Variants in PACRG observed in about 807,000 individuals in gnomAD.
The protein encoded by PACRG is parkin coregulated gene protein.
Under a neutral mutation model 29.7 loss-of-function variants are expected in PACRG, and 29 were observed. The observed-to-expected ratio is 0.98, with a 90% CI of 0.73 to 1.33. The LOEUF (loss-of-function observed/expected upper bound fraction) is 1.33, where lower values mean the gene tolerates loss of function less well. PACRG is among the 40% of genes most tolerant of loss of function. The pLI is 0.00. For missense variants in PACRG, 279 were observed against 316.2 expected, an observed-to-expected ratio of 0.88 and a Z score of 0.89; for synonymous variants, 116 against 118.7, an observed-to-expected ratio of 0.98 and a Z score of 0.15.
intron 2 of PACRG, among the ~76,000 whole-genome samples, chr6:162,972,099 A>C (rs756932818): frequency 6.6e-6 from 1 of 152,208 alleles, no homozygotes; most frequent in Non-Finnish European, 1.5e-5. Flanking sequence ...GAAACCCAGC[A>C]TGCAGCCCTA....
At chr6:162,832,263 A>T (rs1169162290) in intron 2 of PACRG, among the ~76,000 whole-genome samples, 3 of 152,160 alleles carry the variant, frequency 2.0e-5, no homozygotes, top group Admixed American at 6.5e-5. Flanking sequence ...GATCGTGATG[A>T]TGATGATGTT....
Position 162,846,662 on chromosome 6 carries a change from A to G in PACRG, c.291+32381A>G, listed in dbSNP as rs562507528. Among the ~76,000 whole-genome samples the G allele has an allele frequency of 1.8e-4, 27 of 152,324 alleles. No homozygotes were observed. In the East Asian group the frequency reaches 3.5e-3, roughly 20 times the overall value. The stretch of plus-strand genomic sequence containing the variant: ...GCCACCCTCCAGTGGCTGTTTTATC[A>G]TATTGCCAGAGTAATTTAGGACAGA... On this transcript the variant is annotated intron_variant, in intron 2 of 4. Transcript: ENST00000366888.
chr6:162,865,824 G>C (rs1014822693), intron 2 of PACRG, among the ~76,000 whole-genome samples: 1 of 151,692 alleles, frequency 6.6e-6, no homozygotes, highest in Non-Finnish European at 1.5e-5. Context: ...TTTAGAGCTT[G>C]AAATCATTGG....
intron 4 of PACRG, among the ~76,000 whole-genome samples, chr6:163,233,930 T>A (rs529555132): frequency 2.6e-5 from 4 of 152,342 alleles, no homozygotes; most frequent in African/African-American, 9.6e-5. Context: ...AATAGAAATA[T>A]TCCCTAAATA....
intron 1 of PACRG, among the ~76,000 whole-genome samples, chr6:162,799,324 G>A (rs1446737172): frequency 1.3e-5 from 2 of 152,182 alleles, no homozygotes; most frequent in Admixed American, 6.5e-5. Context: ...TTAGGTACAT[G>A]TTCATCTTTT....
At chr6:163,220,326 G>A (rs936360639) in intron 4 of PACRG, among the ~76,000 whole-genome samples, 3 of 152,196 alleles carry the variant, frequency 2.0e-5, no homozygotes, top group Admixed American at 6.5e-5. Context: ...ATCCAGGGGT[G>A]TGCTCCCAGT....
At chr6:163,009,371 A>G (rs1039362233) in intron 2 of PACRG, among the ~76,000 whole-genome samples, 2 of 152,202 alleles carry the variant, frequency 1.3e-5, no homozygotes, top group Non-Finnish European at 2.9e-5. Context: ...AAAATATGCC[A>G]TATTAAAGGA....
At chr6:162,940,290 G>A (rs1006670451) in intron 2 of PACRG, among the ~76,000 whole-genome samples, 7 of 152,154 alleles carry the variant, frequency 4.6e-5, no homozygotes, top group African/African-American at 1.7e-4. Context: ...GCAAGGCAGA[G>A]ATTGAGGCCC....
intron 4 of PACRG, among the ~76,000 whole-genome samples, chr6:163,212,436 C>G (rs1323348116): frequency 2.0e-5 from 3 of 152,048 alleles, no homozygotes; most frequent in African/African-American, 7.2e-5. Flanking sequence ...AATTCCAGAA[C>G]TAAGGCAGGA....
chr6:163,237,427 C>T (rs540935911), intron 4 of PACRG, among the ~76,000 whole-genome samples: 1 of 152,162 alleles, frequency 6.6e-6, no homozygotes, highest in East Asian at 1.9e-4. Context: ...TATTTTCTAC[C>T]AACATAGCTA....
At chr6:163,134,427 A>G (rs545006939) in intron 4 of PACRG, among the ~76,000 whole-genome samples, 1 of 152,292 alleles carries the variant, frequency 6.6e-6, no homozygotes, top group East Asian at 1.9e-4. Context: ...AAGAGACTTA[A>G]GCCACGCATA....
chr6:162,925,250 T>C (rs1797347437), intron 2 of PACRG, among the ~76,000 whole-genome samples: 1 of 152,180 alleles, frequency 6.6e-6, no homozygotes, highest in African/African-American at 2.4e-5. Context: ...GAGGAGCTGG[T>C]ACCATTCCTT....
intron 1 of PACRG, among the ~76,000 whole-genome samples, chr6:162,771,333 TATAG>T (rs1316804357): frequency 6.6e-5 from 10 of 152,236 alleles, no homozygotes; most frequent in Non-Finnish European, 1.5e-4. Context: ...CAACGGGTTC[TATAG>T]ATAAACACCC....
chr6:162,773,951 A>C (rs1783444271), intron 1 of PACRG, among the ~76,000 whole-genome samples: 3 of 152,178 alleles, frequency 2.0e-5, no homozygotes, highest in South Asian at 4.1e-4. Flanking sequence ...AAATGAACAA[A>C]AAATATAAAC....
At chr6:163,236,862 A>G (rs1367401912) in intron 4 of PACRG, among the ~76,000 whole-genome samples, 4 of 152,214 alleles carry the variant, frequency 2.6e-5, no homozygotes, top group Non-Finnish European at 4.4e-5. Context: ...ACTTACAATC[A>G]TGGCAAAAGC....
At chr6:163,161,823 A>G (rs561393246) in intron 4 of PACRG, among the ~76,000 whole-genome samples, 131 of 152,330 alleles carry the variant, frequency 8.6e-4, no homozygotes, top group African/African-American at 3.1e-3. Context: ...GCATTACTAA[A>G]AGCTGAGTGG....
At chr6:162,905,656 A>G (rs1252838048) in intron 2 of PACRG, among the ~76,000 whole-genome samples, 1 of 152,202 alleles carries the variant, frequency 6.6e-6, no homozygotes, top group African/African-American at 2.4e-5. Flanking sequence ...TTAATGTAAT[A>G]AACATTTCCA....
chr6:163,247,087 A>T (rs578012920), intron 4 of PACRG, among the ~76,000 whole-genome samples: 2 of 152,338 alleles, frequency 1.3e-5, no homozygotes, highest in South Asian at 4.1e-4. Flanking sequence ...GGCTGAGTTC[A>T]TACGCTCCAA....
chr6:163,084,550 C>T (rs544110856), intron 3 of PACRG, among the ~76,000 whole-genome samples: 1 of 152,204 alleles, frequency 6.6e-6, no homozygotes, highest in South Asian at 2.1e-4. Context: ...GTTTTAGAGC[C>T]ATTACCTGTC....
Sources: gnomAD v4.1 joint callset for allele counts (sites outside exome capture counted in the v4.1 genomes callset) on GRCh38, gnomAD v4.1.1 for gene constraint, MANE v1.5 for transcripts, NCBI Gene and HGNC (gene_info 2026-07-23, HGNC 2026-07-21) for gene names.